Variants in SGCZ observed in about 807,000 individuals in gnomAD.
SGCZ encodes sarcoglycan zeta, also known as zeta-sarcoglycan.
A neutral mutation model predicts 41.3 loss-of-function variants in SGCZ; 40 were observed. The ratio of observed to expected loss-of-function variants is 0.97; its 90% CI spans 0.75 to 1.26. SGCZ has a LOEUF of 1.26. Among genes scored for constraint, SGCZ ranks in the 50% most tolerant of loss-of-function variants. The probability of loss-of-function intolerance (pLI) is 0.00; values close to 1 mark genes in which losing one functional copy is unlikely to be tolerated. For synonymous variants in SGCZ, 206 were observed against 137.5 expected (o/e 1.50, Z -3.49); for missense variants, 552 against 369.8 (o/e 1.49, Z -4.04).
intron 1 of SGCZ, among the ~76,000 whole-genome samples, chr8:15,097,920 A>G (rs1207544809): frequency 3.1e-5 from 4 of 127,156 alleles, no homozygotes; most frequent in African/African-American, 5.9e-5. Context: ...ACGTGTGTAT[A>G]TATATATATA....
chr8:14,365,081 A>G (rs1052969121), intron 2 of SGCZ, among the ~76,000 whole-genome samples: 1 of 151,984 alleles, frequency 6.6e-6, no homozygotes, highest in Non-Finnish European at 1.5e-5. Context: ...TTTTATCTCT[A>G]TATTGTAAAC....
intron 2 of SGCZ, among the ~76,000 whole-genome samples, chr8:14,537,896 T>G (rs1240579039): frequency 6.6e-6 from 1 of 151,874 alleles, no homozygotes; most frequent in Non-Finnish European, 1.5e-5. Flanking sequence ...TCGATAAAAA[T>G]AGAAAGAGAC....
At chr8:14,262,272 C>G (rs1010042400) in intron 3 of SGCZ, among the ~76,000 whole-genome samples, 1 of 152,070 alleles carries the variant, frequency 6.6e-6, no homozygotes, top group Non-Finnish European at 1.5e-5. Context: ...AAGTGATACA[C>G]GTTTTAATAG....
At chr8:14,337,542 G>C (rs1013833503) in intron 2 of SGCZ, among the ~76,000 whole-genome samples, 3 of 152,176 alleles carry the variant, frequency 2.0e-5, no homozygotes, top group Admixed American at 6.5e-5. Flanking sequence ...GGAAGTATGG[G>C]AAAAGTGATG....
At chr8:14,354,220 C>A (rs757581029) in intron 2 of SGCZ, among the ~76,000 whole-genome samples, 7 of 151,730 alleles carry the variant, frequency 4.6e-5, no homozygotes, top group Non-Finnish European at 1.0e-4. Flanking sequence ...TCACACAGTG[C>A]CTAATAAAGA....
At chr8:14,464,240 A>T (rs755358649) in intron 2 of SGCZ, among the ~76,000 whole-genome samples, 20 of 151,362 alleles carry the variant, frequency 1.3e-4, no homozygotes, top group Non-Finnish European at 2.1e-4. Context: ...GAAGCCATCA[A>T]ATCTGGGGCT....
chr8:14,340,650 C>G (rs966006787), intron 2 of SGCZ, among the ~76,000 whole-genome samples: 2 of 152,074 alleles, frequency 1.3e-5, no homozygotes, highest in African/African-American at 4.8e-5. Flanking sequence ...TCAAAAGTAA[C>G]TAGAGAGCCT....
chr8:14,664,035 C>T (rs1487034923), intron 1 of SGCZ, among the ~76,000 whole-genome samples: 1 of 152,108 alleles, frequency 6.6e-6, no homozygotes, highest in African/African-American at 2.4e-5. Context: ...TTCACTCCAA[C>T]TATGTTAAAG....
Position 14,164,722 on chromosome 8 carries a change from T to A in SGCZ, c.425-20A>T, listed in dbSNP as rs747195011. 3.7e-6 allele frequency: 6 copies of A among 1,610,872 alleles called. No individual in the cohort carries two copies. Among genetic ancestry groups the A allele is most frequent in the Non-Finnish European group, 5.1e-6 (6 of 1,178,808 alleles). ...CAGCTCCTATGGTCAGAGGAAAGGT[T>A]TAAAAATGAAACTGGTATGCAGGAA... On this transcript the variant is annotated intron_variant, in intron 4 of 7. Transcript: ENST00000382080.
chr8:15,183,940 C>A (rs931219162), intron 1 of SGCZ, among the ~76,000 whole-genome samples: 3 of 152,010 alleles, frequency 2.0e-5, no homozygotes, highest in Admixed American at 2.0e-4. Context: ...TAATAAAGGT[C>A]TGTGTAAAGC....
chr8:14,170,614 T>A (rs1226308896), intron 4 of SGCZ, among the ~76,000 whole-genome samples: 2 of 152,138 alleles, frequency 1.3e-5, no homozygotes, highest in African/African-American at 4.8e-5. Context: ...ACCCACTGTT[T>A]TATTTAAGGG....
chr8:15,214,011 T>C (rs1475977761), intron 1 of SGCZ, among the ~76,000 whole-genome samples: 2 of 152,096 alleles, frequency 1.3e-5, no homozygotes, highest in Non-Finnish European at 2.9e-5. Context: ...TATTATTTTA[T>C]TTTAAAATGC....
intron 1 of SGCZ, among the ~76,000 whole-genome samples, chr8:14,889,980 A>T (rs1244601512): frequency 1.3e-5 from 2 of 152,090 alleles, no homozygotes; most frequent in East Asian, 3.9e-4. Context: ...GCACCAAGGG[A>T]GGCCAAGGCA....
chr8:15,229,842 A>G lies in SGCZ; in HGVS notation c.39+7743T>C, dbSNP rs576047709. The stretch of plus-strand genomic sequence containing the variant: ...TTCTACCCAAGAATGGAAAGAATCA[A>G]AGGGTCTTTTATCTTAGGTAGATAA... On this transcript the variant is annotated intron_variant, in intron 1 of 7. Transcript: ENST00000382080. 1.7e-4 allele frequency among the ~76,000 whole-genome samples: 26 copies of G among 152,316 alleles called. No individual in the cohort carries two copies. The South Asian group carries it at 3.3e-3, about 19-fold the overall frequency.
intron 1 of SGCZ, among the ~76,000 whole-genome samples, chr8:14,564,549 A>T (rs537980089): frequency 2.6e-5 from 4 of 152,268 alleles, no homozygotes; most frequent in East Asian, 1.9e-4. Flanking sequence ...GTAGAAAAGG[A>T]GGATGTTAAA....
At chr8:14,567,462 G>T (rs1340766025) in intron 1 of SGCZ, among the ~76,000 whole-genome samples, 1 of 152,204 alleles carries the variant, frequency 6.6e-6, no homozygotes, top group East Asian at 1.9e-4. Context: ...TCTGGCTCAG[G>T]GATTGTAAAC....
chr8:14,338,316 G>A (rs936363267), intron 2 of SGCZ, among the ~76,000 whole-genome samples: 2 of 152,156 alleles, frequency 1.3e-5, no homozygotes, highest in African/African-American at 4.8e-5. Flanking sequence ...ACCAACAATA[G>A]AAAACTTAGT....
At chr8:14,530,378 T>G (rs969877041) in intron 2 of SGCZ, among the ~76,000 whole-genome samples, 1 of 152,104 alleles carries the variant, frequency 6.6e-6, no homozygotes, top group Non-Finnish European at 1.5e-5. Flanking sequence ...AATTTAAACT[T>G]TATTTTTCTG....
chr8:14,290,630 A>T lies in SGCZ; in HGVS notation c.336+33473T>A, dbSNP rs561801307. 3.3e-5 allele frequency among the ~76,000 whole-genome samples: 5 copies of T among 152,288 alleles called. No individual in the cohort carries two copies. The East Asian group carries it at 5.8e-4, about 18-fold the overall frequency. On this transcript the variant is annotated intron_variant, in intron 3 of 7. Coordinates refer to ENST00000382080, the MANE Select transcript of SGCZ (RefSeq NM_139167.4). The stretch of plus-strand genomic sequence containing the variant: ...TACAAAAATGCAAATAAAAACTTCA[A>T]TGAGATGTCACCTCACTCAAGTATG...
Sources: allele counts gnomAD v4.1 joint callset (sites outside exome capture counted in the v4.1 genomes callset), GRCh38; gene constraint gnomAD v4.1.1; transcripts MANE v1.5; gene names NCBI Gene and HGNC (gene_info 2026-07-23, HGNC 2026-07-21).